Variants in FRMD5 observed in about 807,000 individuals in gnomAD.
The protein encoded by FRMD5 is FERM domain-containing protein 5.
Under a neutral mutation model 69.0 loss-of-function variants are expected in FRMD5, and 20 were observed. The observed-to-expected ratio is 0.29, with a 90% CI of 0.20 to 0.42. The LOEUF is 0.42. Among genes scored for constraint, FRMD5 ranks in the 10% least tolerant of loss-of-function variants. The pLI, the probability that FRMD5 is intolerant of heterozygous loss-of-function variation, is 1.00. For synonymous variants in FRMD5, 271 were observed against 260.1 expected, an observed-to-expected ratio of 1.04 and a Z score of -0.40; for missense variants, 595 against 708.6, an observed-to-expected ratio of 0.84 and a Z score of 1.82.
intron 1 of FRMD5, among the ~76,000 whole-genome samples, chr15:43,998,128 T>A (rs1306853638): frequency 1.3e-5 from 2 of 152,310 alleles, no homozygotes; most frequent in Non-Finnish European, 2.9e-5. Context: ...GATATAACGA[T>A]CATAGCTGCT....
intron 1 of FRMD5, among the ~76,000 whole-genome samples, chr15:44,014,217 A>T (rs908196267): frequency 6.6e-6 from 1 of 152,044 alleles, no homozygotes; most frequent in African/African-American, 2.4e-5. Context: ...GTCACAGAAG[A>T]CTGCAGCTGT....
intron 4 of FRMD5, among the ~76,000 whole-genome samples, chr15:43,912,756 G>A (rs796066764): frequency 6.6e-6 from 1 of 151,526 alleles, no homozygotes; most frequent in African/African-American, 2.4e-5. Flanking sequence ...GGTGGCTCAC[G>A]CCTGTAATCC....
At chr15:44,014,598 G>A (rs1158285201) in intron 1 of FRMD5, among the ~76,000 whole-genome samples, 1 of 152,116 alleles carries the variant, frequency 6.6e-6, no homozygotes, top group African/African-American at 2.4e-5. Flanking sequence ...TTAGCCGGGT[G>A]TGGTGGCAGG....
At chr15:43,946,880 T>C (rs1366988656) in intron 1 of FRMD5, among the ~76,000 whole-genome samples, 1 of 152,346 alleles carries the variant, frequency 6.6e-6, no homozygotes, top group South Asian at 2.1e-4. Flanking sequence ...ATTTATTTAC[T>C]AGTGTTAGTT....
intron 1 of FRMD5, among the ~76,000 whole-genome samples, chr15:44,033,962 G>A (rs1003055205): frequency 6.6e-6 from 1 of 152,138 alleles, no homozygotes; most frequent in Non-Finnish European, 1.5e-5. Flanking sequence ...ATTTGATCTA[G>A]AGTATAAATT....
intron 13 of FRMD5, chr15:43,879,401 G>C: frequency 2.5e-6 from 1 of 397,856 alleles, no homozygotes; most frequent in Non-Finnish European, 4.4e-6. Context: ...CACCTGTCCT[G>C]CCATTTCATC....
At chr15:44,145,766 G>A (rs994687735) in intron 1 of FRMD5, among the ~76,000 whole-genome samples, 8 of 152,098 alleles carry the variant, frequency 5.3e-5, no homozygotes, top group East Asian at 3.8e-4. Flanking sequence ...TAATTCTGCC[G>A]AACTGAATGA....
intron 1 of FRMD5, among the ~76,000 whole-genome samples, chr15:44,060,489 A>G (rs1214096731): frequency 6.6e-6 from 1 of 152,222 alleles, no homozygotes; most frequent in African/African-American, 2.4e-5. Flanking sequence ...TGAATCAACA[A>G]TAGATTAAAG....
chr15:43,964,399 G>C (rs1165677286), intron 1 of FRMD5, among the ~76,000 whole-genome samples: 1 of 151,258 alleles, frequency 6.6e-6, no homozygotes, highest in Admixed American at 6.6e-5. Flanking sequence ...AGGCACAGTG[G>C]GTCATGCCTG....
chr15:44,195,308 G>A (rs1258555398), upstream of FRMD5: 8 of 505,714 alleles, frequency 1.6e-5, no homozygotes, highest in Non-Finnish European at 2.8e-5. Context: ...CCCAGCTCGC[G>A]GGGCGGGGCC....
intron 1 of FRMD5, among the ~76,000 whole-genome samples, chr15:44,059,033 T>G (rs1488583914): frequency 6.6e-6 from 1 of 152,118 alleles, no homozygotes; most frequent in African/African-American, 2.4e-5. Context: ...CAGGAAAAAC[T>G]TAGGAACCTG....
In FRMD5 at chr15:43,958,247, G is replaced by A. The variant is rs554120137; in HGVS notation, c.103-33938C>T. On this transcript the variant is annotated intron_variant, in intron 1 of 13. Coordinates refer to ENST00000417257, the MANE Select transcript of FRMD5 (RefSeq NM_032892.5). ...GGCTAACACAGTGGTCAGCACACAG[G>A]TGCTGAATAATGTACTGAGAGCTGC... Among the ~76,000 whole-genome samples the A allele has an allele frequency of 2.0e-5, 3 of 152,148 alleles. No individual in the cohort carries two copies. In the South Asian group the frequency reaches 6.2e-4, roughly 32 times the overall value.
intron 1 of FRMD5, among the ~76,000 whole-genome samples, chr15:43,953,942 T>C (rs992071382): frequency 6.6e-6 from 1 of 152,222 alleles, no homozygotes; most frequent in Non-Finnish European, 1.5e-5. Context: ...GTTAAATGAC[T>C]GCCTGAAGTT....
intron 1 of FRMD5, among the ~76,000 whole-genome samples, chr15:44,153,964 T>TA (rs533784202): frequency 7.4e-5 from 11 of 149,018 alleles, no homozygotes; most frequent in South Asian, 2.1e-4. Flanking sequence ...GGGCAAGTCT[T>TA]AAAAAAAAAA....
intron 1 of FRMD5, among the ~76,000 whole-genome samples, chr15:44,117,223 A>G (rs527967805): frequency 1.1e-4 from 16 of 152,328 alleles, no homozygotes; most frequent in Admixed American, 9.1e-4. Context: ...TCTTTGGACT[A>G]TCCACTTTCC....
chr15:44,139,298 T>C (rs1330339174), intron 1 of FRMD5, among the ~76,000 whole-genome samples: 2 of 143,680 alleles, frequency 1.4e-5, no homozygotes, highest in African/African-American at 5.1e-5. Context: ...CCCCTCTCTC[T>C]ACACACACAC....
intron 1 of FRMD5, among the ~76,000 whole-genome samples, chr15:44,009,702 G>GT (rs1890625484): frequency 6.6e-6 from 1 of 152,074 alleles, no homozygotes; most frequent in Admixed American, 6.6e-5. Context: ...CTTTTATGGA[G>GT]TTTTTTTGAG....
At position 43,873,128 on chromosome 15, in the gene FRMD5, A is replaced by G. The variant is rs2088207504; in HGVS notation, c.*757T>C. On this transcript the variant is annotated 3_prime_UTR_variant, in exon 14 of 14. Coordinates refer to ENST00000417257, the MANE Select transcript of FRMD5 (RefSeq NM_032892.5). ...AAGTCTAGTTTCATTATACAAAACT[A>G]TGGTGATGCCCACTAGGCTCTAGAC... 6.6e-7 allele frequency: 1 copy of G among 1,504,412 alleles called. No individual in the cohort carries two copies. Among genetic ancestry groups the G allele is most frequent in the Non-Finnish European group, 9.0e-7 (1 of 1,109,590 alleles). 93.2% of individuals were successfully genotyped at this position (1,504,412 alleles called of 1,614,324 possible).
upstream of FRMD5, among the ~76,000 whole-genome samples, chr15:44,198,908 A>G (rs189581610): frequency 1.1e-4 from 17 of 152,132 alleles, no homozygotes; most frequent in African/African-American, 3.9e-4. Flanking sequence ...ATGGCTCTGA[A>G]CCCCCACCTT....
Sources: allele counts gnomAD v4.1 joint callset (sites outside exome capture counted in the v4.1 genomes callset), GRCh38; gene constraint gnomAD v4.1.1; transcripts MANE v1.5; gene names NCBI Gene and HGNC (gene_info 2026-07-23, HGNC 2026-07-21).